The following ANKHD1 variants were observed in gnomAD, a reference collection of about 807,000 sequenced individuals.
ANKHD1 encodes the protein ankyrin repeat and KH domain containing 1.
In ANKHD1, 31 loss-of-function variants were observed where a neutral mutation model predicts 230.5. The observed-to-expected ratio is 0.13, with a 90% CI of 0.10 to 0.18. ANKHD1 has a LOEUF of 0.18. Among genes scored for constraint, ANKHD1 ranks in the 10% least tolerant of loss-of-function variants. The pLI is 1.00. For missense variants in ANKHD1, 2,256 were observed against 3,071.3 expected (o/e 0.73, Z 6.27); for synonymous variants, 1,074 against 1,117.6 (o/e 0.96, Z 0.78).
rs567704491 is a variant in ANKHD1 at position 140,422,811 on chromosome 5, G to T, written c.307-13293G>T. ...GGTGACGGAGCAAGACTCTGTCTTG[G>T]GGGGGAAAAAAGACATCAGTCTTTT... On this transcript the variant is annotated intron_variant, in intron 1 of 33. Coordinates refer to ENST00000360839, the MANE Select transcript of ANKHD1 (RefSeq NM_017747.3). Among the ~76,000 whole-genome samples, 168 of 121,422 alleles carry T rather than the reference G, an allele frequency of 1.4e-3. 1 individual carries two copies. Among genetic ancestry groups the T allele is most frequent in the East Asian group, 7.6e-3 (25 of 3,294 alleles). The allele number at this position is 121,422 out of a possible 152,430, so 79.7% of individuals were successfully genotyped here. A position where few individuals can be genotyped will look rare whatever the true frequency, so the allele number is the denominator to read the frequency against.
intron 7 of ANKHD1, among the ~76,000 whole-genome samples, chr5:140,450,879 G>C (rs374294928): frequency 9.2e-5 from 14 of 152,142 alleles, no homozygotes; most frequent in African/African-American, 3.4e-4. Flanking sequence ...TTGGCTGGGC[G>C]TGGTGGCTCA....
Position 140,445,833 on chromosome 5 carries a change from T to C in ANKHD1, c.1005T>C (p.Asn335=), listed in dbSNP as rs1483167353. Residue 335 remains asparagine (N), a synonymous_variant, in exon 6 of 34, where the codon AAT becomes AAC. Coordinates refer to ENST00000360839, the MANE Select transcript of ANKHD1 (RefSeq NM_017747.3). Reference sequence around the variant, plus strand: ...AAGGTGCAAATATAGAAGATCATAATGAAAATGGACATACTCCCTTAATGG... The same window carrying C: ...AAGGTGCAAATATAGAAGATCATAACGAAAATGGACATACTCCCTTAATGG... The part of the protein sequence containing the change: ...LNEGANIEDH[N]ENGHTPLMEA... 3 of 1,613,712 alleles carry C rather than the reference T, an allele frequency of 1.9e-6. No homozygotes were observed. The highest frequency in any genetic ancestry group is 1.7e-6 in the Non-Finnish European group (2 of 1,179,858).
chr5:140,449,951 G>A (rs1050953624), intron 7 of ANKHD1, among the ~76,000 whole-genome samples: 3 of 152,064 alleles, frequency 2.0e-5, no homozygotes, highest in East Asian at 3.9e-4. Context: ...AAAGGATAAT[G>A]TAGAATCATA....
At chr5:140,441,587 T>G (rs945733916) in intron 5 of ANKHD1, among the ~76,000 whole-genome samples, 1 of 147,182 alleles carries the variant, frequency 6.8e-6, no homozygotes, top group Non-Finnish European at 1.5e-5. Flanking sequence ...TATATAGAGA[T>G]AAGACATTGG....
intron 24 of ANKHD1, among the ~76,000 whole-genome samples, chr5:140,522,519 TTTTCTC>T (rs1371031156): frequency 3.1e-4 from 47 of 152,286 alleles, no homozygotes; most frequent in South Asian, 2.1e-3. Context: ...TAATCATACT[TTTTCTC>T]TTTAATTATC....
rs183787966 is a variant in ANKHD1, at chr5:140,418,216, G to A, written c.306+15943G>A. On this transcript the variant is annotated intron_variant, in intron 1 of 33. Coordinates refer to ENST00000360839, the MANE Select transcript of ANKHD1 (RefSeq NM_017747.3). ...CTGGAGTTAAGAGTGGCACAGTCAC[G>A]GTTCACTGCAGCCTCAACCTCCCCA... is the stretch of plus-strand genomic sequence containing the variant. 4.4e-3 allele frequency among the ~76,000 whole-genome samples: 667 copies of A among 149,934 alleles called. 5 individuals carry two copies. Among genetic ancestry groups the A allele is most frequent in the African/African-American group, 0.015 (606 of 40,562 alleles).
At chr5:140,481,572 T>C (rs1365995678) in intron 10 of ANKHD1, among the ~76,000 whole-genome samples, 1 of 152,048 alleles carries the variant, frequency 6.6e-6, no homozygotes, top group Non-Finnish European at 1.5e-5. Context: ...TTCTTATTGT[T>C]GTTTTGCCTG....
intron 15 of ANKHD1, among the ~76,000 whole-genome samples, chr5:140,500,924 TC>T: frequency 6.6e-6 from 1 of 152,062 alleles, no homozygotes; most frequent in South Asian, 2.1e-4. Flanking sequence ...GTTGTTACTA[TC>T]ATTGCCATCT....
chr5:140,452,079 C>T (rs750443360), intron 7 of ANKHD1, among the ~76,000 whole-genome samples: 8 of 152,310 alleles, frequency 5.3e-5, no homozygotes, highest in South Asian at 2.1e-4. Flanking sequence ...TTATATCCCG[C>T]GCGTGGCTCA....
Position 140,505,214 on chromosome 5 carries a change from T to G in ANKHD1, c.3243T>G (p.Ile1081Met). ...VSVLIARDAK[I>M]EHRDKKGFTP... is the part of the protein sequence containing the mutation. The stretch of plus-strand genomic sequence containing the variant: ...TGCTCATTGCACGGGATGCCAAAAT[T>G]GAACACAGAGACAAAAAAGGTAAAT... The change falls in exon 17 of 34, where the codon ATT becomes ATG. Residue 1081 changes from isoleucine to methionine, a missense_variant. Ile to Met is a conservative substitution (Grantham distance 10). This residue lies in a region of ANKHD1 where 63 missense variants were observed against 125.5 expected (regional missense o/e 0.50). Coordinates refer to ENST00000360839, the MANE Select transcript of ANKHD1 (RefSeq NM_017747.3). 1 of 1,614,052 alleles carries G rather than the reference T, an allele frequency of 6.2e-7. No individual in the cohort carries two copies. The highest frequency in any genetic ancestry group is 8.5e-7 in the Non-Finnish European group (1 of 1,179,978).
intron 1 of ANKHD1, among the ~76,000 whole-genome samples, chr5:140,403,157 C>A (rs1770122749): frequency 6.6e-6 from 1 of 150,954 alleles, no homozygotes; most frequent in African/African-American, 2.4e-5. Flanking sequence ...TTATTAGATA[C>A]GGGGTTTCAC....
At chr5:140,405,486 A>G (rs1770363178) in intron 1 of ANKHD1, among the ~76,000 whole-genome samples, 1 of 152,162 alleles carries the variant, frequency 6.6e-6, no homozygotes, top group Non-Finnish European at 1.5e-5. Context: ...TTTCTGTCTG[A>G]CAAGATGAGC....
At chr5:140,513,668 G>A (rs1359481823) in intron 24 of ANKHD1, among the ~76,000 whole-genome samples, 189 bp downstream of exon 24, 1 of 152,104 alleles carries the variant, frequency 6.6e-6, no homozygotes, top group Non-Finnish European at 1.5e-5. Flanking sequence ...AATTAGCCAG[G>A]TGTGGTGGCA....
intron 24 of ANKHD1, among the ~76,000 whole-genome samples, chr5:140,519,963 A>G (rs1415459836): frequency 6.6e-6 from 1 of 152,054 alleles, no homozygotes; most frequent in Non-Finnish European, 1.5e-5. Flanking sequence ...CTGCACAGCA[A>G]AAGAAACTAC....
chr5:140,402,994 A>C (rs192201298), intron 1 of ANKHD1, among the ~76,000 whole-genome samples: 40 of 91,066 alleles, frequency 4.4e-4, no homozygotes, highest in Middle Eastern at 0.023. Flanking sequence ...TTTTTTTGAG[A>C]TGGAGTTTCG....
chr5:140,538,510 C>T (rs906152161), intron 32 of ANKHD1, among the ~76,000 whole-genome samples: 1 of 152,158 alleles, frequency 6.6e-6, no homozygotes, highest in African/African-American at 2.4e-5. Context: ...TTGAGGGAGG[C>T]CTCTACCCCT....
Position 140,485,889 on chromosome 5 carries a change from T to C in ANKHD1, c.2142+157T>C. The C allele has an allele frequency of 8.6e-7, 1 of 1,169,016 alleles. No homozygotes were observed. The highest frequency in any genetic ancestry group is 1.2e-6 in the Non-Finnish European group (1 of 858,550). The allele number at this position is 1,169,016 out of a possible 1,614,324, so 72.4% of individuals were successfully genotyped here. A position where few individuals can be genotyped will look rare whatever the true frequency, so the allele number is the denominator to read the frequency against. On this transcript the variant is annotated intron_variant, in intron 13 of 33. Coordinates refer to ENST00000360839, the MANE Select transcript of ANKHD1 (RefSeq NM_017747.3). The surrounding 1 kb of genome is among the most constrained non-coding windows in gnomAD (Gnocchi z 4.8). ...TAAATTCTTTAGGATTTATTTTCTT[T>C]AAAGGTACACTGAAATTTGTTATTG...
intron 10 of ANKHD1, among the ~76,000 whole-genome samples, chr5:140,465,526 C>CT (rs1277828747): frequency 6.6e-6 from 1 of 152,088 alleles, no homozygotes; most frequent in Non-Finnish European, 1.5e-5. Flanking sequence ...CCAGAATTCT[C>CT]TGATACATTT....
At chr5:140,459,832 TTTAACAA>T (rs759891516) in intron 9 of ANKHD1, among the ~76,000 whole-genome samples, 65 of 152,320 alleles carry the variant, frequency 4.3e-4, no homozygotes, top group Non-Finnish European at 8.7e-4. Context: ...CTTTCTTAAC[TTTAACAA>T]TTAACTGTTA....
Sources: gnomAD v4.1 joint callset for allele counts (sites outside exome capture counted in the v4.1 genomes callset) on GRCh38, gnomAD v4.1.1 for gene constraint, gnomAD v4.1.1 regional missense constraint, Gnocchi (gnomAD v3.1) non-coding constraint, MANE v1.5 for transcripts, NCBI Gene and HGNC (gene_info 2026-07-23, HGNC 2026-07-21) for gene names.